PRIM2: variants seen among roughly 807,000 people sequenced by gnomAD.
The protein encoded by PRIM2 is DNA primase subunit 2, also known as DNA primase large subunit.
A neutral mutation model predicts 67.3 loss-of-function variants in PRIM2; 39 were observed. The ratio of observed to expected loss-of-function variants is 0.58; its 90% CI spans 0.45 to 0.76. The LOEUF (loss-of-function observed/expected upper bound fraction) is 0.76. Ranked by LOEUF, PRIM2 falls within the 30% of genes least tolerant of loss-of-function variation. PRIM2 has a pLI of 0.00. For missense variants in PRIM2, 398 were observed against 598.7 expected, an observed-to-expected ratio of 0.66 and a Z score of 3.50; for synonymous variants, 143 against 198.7, an observed-to-expected ratio of 0.72 and a Z score of 2.36.
intron 5 of PRIM2, among the ~76,000 whole-genome samples, chr6:57,366,099 A>G (rs549303852): frequency 5.1e-4 from 78 of 152,282 alleles, no homozygotes; most frequent in African/African-American, 1.7e-3. Context: ...CTTCAAGCAG[A>G]CAGGTATGTA....
chr6:57,470,860 G>C (rs1199702010), intron 7 of PRIM2, among the ~76,000 whole-genome samples: 4 of 152,078 alleles, frequency 2.6e-5, no homozygotes, highest in Non-Finnish European at 5.9e-5. Flanking sequence ...CACTTTAGTT[G>C]TCCCTCCCTG....
At chr6:57,386,866 G>T (rs555146677) in intron 7 of PRIM2, among the ~76,000 whole-genome samples, 1 of 151,852 alleles carries the variant, frequency 6.6e-6, no homozygotes, top group Non-Finnish European at 1.5e-5. Context: ...TTTTTGAAAG[G>T]TATTTTGATG....
intron 10 of PRIM2, among the ~76,000 whole-genome samples, chr6:57,586,074 A>G (rs1459850763): frequency 1.6e-4 from 24 of 152,188 alleles, no homozygotes; most frequent in African/African-American, 5.5e-4. Context: ...AGTGAGGTCA[A>G]CTGGAGGGAG....
At chr6:57,493,411 G>A (rs1773940761) in intron 7 of PRIM2, among the ~76,000 whole-genome samples, 1 of 152,116 alleles carries the variant, frequency 6.6e-6, no homozygotes, top group South Asian at 2.1e-4. Context: ...GTGTTTTTTG[G>A]TAGTTGACTT....
intron 8 of PRIM2, among the ~76,000 whole-genome samples, chr6:57,521,499 A>G (rs1376958696): frequency 4.1e-5 from 6 of 146,578 alleles, no homozygotes; most frequent in African/African-American, 1.5e-4. Flanking sequence ...TTGTGCTATT[A>G]TTACACCTGG....
intron 8 of PRIM2, among the ~76,000 whole-genome samples, chr6:57,512,130 G>C (rs1339511860): frequency 1.3e-5 from 2 of 152,130 alleles, no homozygotes; most frequent in Non-Finnish European, 2.9e-5. Context: ...ATAGTGGTAT[G>C]ATGGGTGCTA....
At chr6:57,241,415 T>C in the PRIM2 span, among the ~76,000 whole-genome samples, 129,058 of 151,262 alleles carry the variant, frequency 0.85, 55,329 homozygotes, top group Middle Eastern at 0.92. Flanking sequence ...TTTTAAAAAA[T>C]AAAAAATAAA....
chr6:57,320,703 G>A, intron 3 of PRIM2, 143 bp downstream of exon 3: 3 of 546,744 alleles, frequency 5.5e-6, no homozygotes, highest in East Asian at 5.9e-5. Flanking sequence ...CAGTGTATTA[G>A]GGGTGATTGA....
intron 7 of PRIM2, among the ~76,000 whole-genome samples, chr6:57,451,293 A>G (rs1168424541): frequency 4.0e-4 from 61 of 152,168 alleles, no homozygotes; most frequent in Middle Eastern, 3.4e-3. Flanking sequence ...GGTGCCCACC[A>G]CCATGCTTGG....
At chr6:57,463,384 C>G (rs35449451) in intron 7 of PRIM2, among the ~76,000 whole-genome samples, 2 of 152,144 alleles carry the variant, frequency 1.3e-5, no homozygotes, top group Non-Finnish European at 2.9e-5. Flanking sequence ...CCTAGCTACT[C>G]AGGTGGCTGA....
chr6:57,446,007 A>G (rs897538660), intron 7 of PRIM2, among the ~76,000 whole-genome samples: 1 of 152,258 alleles, frequency 6.6e-6, no homozygotes, highest in Admixed American at 6.5e-5. Context: ...AGTGAGGCTC[A>G]GCCATGGTCT....
intron 5 of PRIM2, among the ~76,000 whole-genome samples, chr6:57,327,192 G>A (rs938650509): frequency 7.9e-5 from 12 of 152,064 alleles, no homozygotes; most frequent in African/African-American, 2.4e-4. Context: ...GTGAGCCACC[G>A]TGCCGGGCCT....
At chr6:57,257,128 C>A in the PRIM2 span, among the ~76,000 whole-genome samples, 2 of 152,076 alleles carry the variant, frequency 1.3e-5, no homozygotes, top group African/African-American at 4.8e-5. Flanking sequence ...CTTCTTGAAG[C>A]AAGAGTTCTC....
chr6:57,272,945 A>T, the PRIM2 span, among the ~76,000 whole-genome samples: 1 of 152,296 alleles, frequency 6.6e-6, no homozygotes, highest in African/African-American at 2.4e-5. Flanking sequence ...AAGAATGTTA[A>T]ATATTGGCCC....
Position 57,602,789 on chromosome 6 carries a change from C to A in PRIM2, c.1147+1570C>A, listed in dbSNP as rs2127491988. Among the ~76,000 whole-genome samples the A allele has an allele frequency of 2.0e-5, 3 of 152,172 alleles. No homozygotes were observed. The East Asian group carries it at 5.8e-4, about 29-fold the overall frequency. On this transcript the variant is annotated intron_variant, in intron 11 of 13. Transcript: ENST00000615550. Reference sequence around the variant, plus strand: ...CAGTCAAGAAATATTATACTTAGCACTCAATGAACTCATTATCTGTTGGAA... The same window carrying A: ...CAGTCAAGAAATATTATACTTAGCAATCAATGAACTCATTATCTGTTGGAA...
chr6:57,452,411 G>C (rs1772587288), intron 7 of PRIM2, among the ~76,000 whole-genome samples: 1 of 152,172 alleles, frequency 6.6e-6, no homozygotes, highest in Admixed American at 6.5e-5. Flanking sequence ...CAGTGTAAAA[G>C]TGTTCCTATT....
chr6:57,361,280 A>G (rs957553968), intron 5 of PRIM2, among the ~76,000 whole-genome samples: 1 of 152,198 alleles, frequency 6.6e-6, no homozygotes, highest in Non-Finnish European at 1.5e-5. Context: ...TTCTGAGGAT[A>G]CTATCCTTTC....
At chr6:57,333,746 T>C (rs1768133486) in intron 5 of PRIM2, among the ~76,000 whole-genome samples, 1 of 152,182 alleles carries the variant, frequency 6.6e-6, no homozygotes, top group African/African-American at 2.4e-5. Context: ...TCTATTTATT[T>C]ATTTTTCCCT....
intron 7 of PRIM2, among the ~76,000 whole-genome samples, chr6:57,493,164 C>T (rs1377532489): frequency 6.6e-6 from 1 of 152,104 alleles, no homozygotes; most frequent in Non-Finnish European, 1.5e-5. Flanking sequence ...TATTCTTGCT[C>T]CTATTAGTGA....
Sources: gnomAD v4.1 joint callset for allele counts (sites outside exome capture counted in the v4.1 genomes callset) on GRCh38, gnomAD v4.1.1 for gene constraint, MANE v1.5 for transcripts, NCBI Gene and HGNC (gene_info 2026-07-23, HGNC 2026-07-21) for gene names.